Variants in MACROH2A1 observed in about 807,000 individuals in gnomAD.
The protein encoded by MACROH2A1 is macroH2A.1 histone.
Under a neutral mutation model 31.6 loss-of-function variants are expected in MACROH2A1, and 2 were observed. The observed-to-expected ratio is 0.06, with a 90% CI of 0.03 to 0.20. The LOEUF is 0.20. Among genes scored for constraint, MACROH2A1 ranks in the 10% least tolerant of loss-of-function variants. The pLI, the probability that MACROH2A1 is intolerant of heterozygous loss-of-function variation, is 1.00. For synonymous variants in MACROH2A1, 169 were observed against 189.6 expected, an observed-to-expected ratio of 0.89 and a Z score of 0.89; for missense variants, 230 against 474.0, an observed-to-expected ratio of 0.49 and a Z score of 4.78.
intron 4 of MACROH2A1, among the ~76,000 whole-genome samples, chr5:135,367,974 A>G (rs1763729177): frequency 6.6e-6 from 1 of 152,192 alleles, no homozygotes; most frequent in African/African-American, 2.4e-5. Flanking sequence ...ATTCTGTGAA[A>G]TCCCTGCCTG....
chr5:135,376,789 A>C (rs1764935759), intron 2 of MACROH2A1, among the ~76,000 whole-genome samples: 1 of 152,238 alleles, frequency 6.6e-6, no homozygotes. Context: ...TAGTATACTC[A>C]GTAAATTCAA....
At chr5:135,373,143 T>C (rs1229406428) in intron 2 of MACROH2A1, among the ~76,000 whole-genome samples, 1 of 152,184 alleles carries the variant, frequency 6.6e-6, no homozygotes, top group African/African-American at 2.4e-5. Context: ...GCCTGTTTCC[T>C]CTTCCTGCCC....
rs115421585 is a variant in MACROH2A1, at chr5:135,334,583, G to A, written c.*393C>T. ...AAAAGAACATTAGAGTAAAAAGAACGCCACTGGAGGATGTACAATAAAGCA... is the reference window on the plus strand; with the variant it reads ...AAAAGAACATTAGAGTAAAAAGAACACCACTGGAGGATGTACAATAAAGCA... On this transcript the variant is annotated 3_prime_UTR_variant, in exon 9 of 9. Coordinates refer to ENST00000511689, the MANE Select transcript of MACROH2A1 (RefSeq NM_138610.3). 2.1e-3 allele frequency: 373 copies of A among 180,004 alleles called. 2 individuals carry two copies. The highest frequency in any genetic ancestry group is 8.7e-3 in the African/African-American group (364 of 42,072). The allele number at this position is 180,004 out of a possible 1,614,324, so 11.2% of individuals were successfully genotyped here. A position where few individuals can be genotyped will look rare whatever the true frequency, so the allele number is the denominator to read the frequency against.
intron 2 of MACROH2A1, among the ~76,000 whole-genome samples, chr5:135,370,618 A>G (rs553366463): frequency 6.6e-6 from 1 of 152,340 alleles, no homozygotes; most frequent in South Asian, 2.1e-4. Context: ...TCAATGCTGA[A>G]TGCCTGCACA....
intron 6 of MACROH2A1, among the ~76,000 whole-genome samples, chr5:135,348,818 TAC>T (rs902455871): frequency 6.6e-6 from 1 of 152,230 alleles, no homozygotes; most frequent in Admixed American, 6.5e-5. Flanking sequence ...CTGCAGGTGT[TAC>T]AGTGTCGGTG....
At chr5:135,373,038 A>T (rs1764383770) in intron 2 of MACROH2A1, among the ~76,000 whole-genome samples, 1 of 152,220 alleles carries the variant, frequency 6.6e-6, no homozygotes, top group Non-Finnish European at 1.5e-5. Flanking sequence ...CAGAAGGAGA[A>T]TGCCCACAGT....
At chr5:135,367,322 A>G (rs1268814577) in intron 4 of MACROH2A1, among the ~76,000 whole-genome samples, 1 of 152,204 alleles carries the variant, frequency 6.6e-6, no homozygotes, top group Non-Finnish European at 1.5e-5. Flanking sequence ...CAGTAAGTAG[A>G]CAATGTGTTT....
chr5:135,389,683 T>C (rs903535019), intron 1 of MACROH2A1, among the ~76,000 whole-genome samples: 8 of 152,314 alleles, frequency 5.3e-5, no homozygotes, highest in Middle Eastern at 3.4e-3. Context: ...GGCCAATCTT[T>C]AGAGAAGAGA....
intron 7 of MACROH2A1, chr5:135,345,410 T>C (rs776878154): frequency 6.6e-6 from 1 of 152,512 alleles, no homozygotes; most frequent in Non-Finnish European, 1.5e-5. Flanking sequence ...TCTCAGGTCC[T>C]TAGGAGGTGC....
At chr5:135,353,649 C>T (rs1359941359) in intron 5 of MACROH2A1, 2 of 152,228 alleles carry the variant, frequency 1.3e-5, no homozygotes, top group Non-Finnish European at 2.9e-5. Flanking sequence ...GCTGAAGTTC[C>T]ATGGTGAAAC....
rs528647665 is a variant in MACROH2A1, at chr5:135,390,736, C to T, written c.-33-1610G>A. 2.0e-5 allele frequency among the ~76,000 whole-genome samples: 3 copies of T among 152,308 alleles called. No individual in the cohort carries two copies. In the South Asian group the frequency reaches 6.2e-4, roughly 32 times the overall value. On this transcript the variant is annotated intron_variant, in intron 1 of 8. Coordinates refer to ENST00000511689, the MANE Select transcript of MACROH2A1 (RefSeq NM_138610.3). Reference sequence around the variant, plus strand: ...GCCACAGGGATAGGAGTCCCTGTTACTCTGATGCTCAACCTATACTAGGGA... The same window carrying T: ...GCCACAGGGATAGGAGTCCCTGTTATTCTGATGCTCAACCTATACTAGGGA...
chr5:135,339,014 G>A (rs1166400174), intron 8 of MACROH2A1, among the ~76,000 whole-genome samples: 3 of 152,132 alleles, frequency 2.0e-5, no homozygotes, highest in Non-Finnish European at 4.4e-5. Flanking sequence ...TGGGAGATGC[G>A]TGCACTGTTT....
intron 7 of MACROH2A1, chr5:135,344,220 GA>G (rs1242083970): frequency 6.6e-6 from 1 of 152,266 alleles, no homozygotes; most frequent in African/African-American, 2.4e-5. Context: ...GCATGTTCCA[GA>G]ACCCCTGTCC....
At chr5:135,347,807 T>C (rs936224198) in intron 6 of MACROH2A1, among the ~76,000 whole-genome samples, 2 of 152,242 alleles carry the variant, frequency 1.3e-5, no homozygotes, top group African/African-American at 4.8e-5. Context: ...GCCTTCTGTC[T>C]TAAACCCATT....
At chr5:135,399,599 C>T (rs572783082), upstream of MACROH2A1, 14 of 152,330 alleles carry the variant, frequency 9.2e-5, no homozygotes, top group African/African-American at 3.4e-4. The surrounding 1 kb of genome is among the most constrained non-coding windows in gnomAD (Gnocchi z 4.5). Flanking sequence ...CCCACTAACC[C>T]AGTGGGAAGG....
At chr5:135,381,435 A>T (rs907540394) in intron 2 of MACROH2A1, among the ~76,000 whole-genome samples, 1 of 152,282 alleles carries the variant, frequency 6.6e-6, no homozygotes, top group East Asian at 1.9e-4. Context: ...TAAAATGAAG[A>T]GAAAAAAAGA....
chr5:135,382,837 T>C (rs1186061658), intron 2 of MACROH2A1, among the ~76,000 whole-genome samples: 1 of 152,222 alleles, frequency 6.6e-6, no homozygotes, highest in Non-Finnish European at 1.5e-5. Flanking sequence ...CTTCACAAAG[T>C]AGGCCCAGAT....
chr5:135,360,833 C>G, intron 4 of MACROH2A1: 1 of 672,646 alleles, frequency 1.5e-6, no homozygotes, highest in South Asian at 1.6e-5. Context: ...TAAAAAAAAA[C>G]CAGCCACTTA....
chr5:135,336,413 C>CTCTT (rs1758669216), intron 8 of MACROH2A1, among the ~76,000 whole-genome samples: 2 of 152,230 alleles, frequency 1.3e-5, no homozygotes, highest in South Asian at 4.1e-4. Context: ...GTGGAGTTCA[C>CTCTT]TCTTAGAGGA....
Sources: allele counts gnomAD v4.1 joint callset (sites outside exome capture counted in the v4.1 genomes callset), GRCh38; gene constraint gnomAD v4.1.1; non-coding constraint Gnocchi (gnomAD v3.1); transcripts MANE v1.5; gene names NCBI Gene and HGNC (gene_info 2026-07-23, HGNC 2026-07-21).